HABP4: variants seen among roughly 807,000 people sequenced by gnomAD.
The protein encoded by HABP4 is hyaluronan binding protein 4, also known as intracellular hyaluronan-binding protein 4.
HABP4 carries 32 observed loss-of-function variants against 44.1 expected under a neutral mutation model. The observed-to-expected ratio is 0.73, with a 90% CI of 0.55 to 0.97. The LOEUF is 0.97. HABP4 is among the 50% of genes least tolerant of loss of function. The pLI is 0.00. For missense variants in HABP4, 503 were observed against 561.9 expected, an observed-to-expected ratio of 0.90 and a Z score of 1.06; for synonymous variants, 216 against 218.0, an observed-to-expected ratio of 0.99 and a Z score of 0.08.
chr9:96,450,645 G>A lies in HABP4; in HGVS notation c.349+17G>A, dbSNP rs1832255570. ...AGGCGCCGGGTACGCGGGGACAGCG[G>A]GGTTAGCGGACCACGGCTCGGCCCG... On this transcript the variant is annotated intron_variant, in intron 1 of 7. Transcript: ENST00000375249. The surrounding 1 kb of genome is among the most constrained non-coding windows in gnomAD (Gnocchi z 4.8). 7.9e-7 allele frequency: 1 copy of A among 1,261,500 alleles called. No individual in the cohort carries two copies. Among genetic ancestry groups the A allele is most frequent in the African/African-American group, 1.5e-5 (1 of 64,722 alleles). 78.1% of individuals were successfully genotyped at this position (1,261,500 alleles called of 1,614,324 possible).
At chr9:96,469,315 C>A (rs1832655904) in intron 4 of HABP4, among the ~76,000 whole-genome samples, 1 of 152,102 alleles carries the variant, frequency 6.6e-6, no homozygotes, top group Admixed American at 6.5e-5. Flanking sequence ...GTTCTCAAAG[C>A]AAAATTTGAT....
rs577476250 is a variant in HABP4, at chr9:96,487,999, C to G, written c.1000-90C>G. On this transcript the variant is annotated intron_variant, in intron 6 of 7. Coordinates refer to ENST00000375249, the MANE Select transcript of HABP4 (RefSeq NM_014282.4). ...TGACTAGCCCCTGATGGTGTTTTAG[C>G]TCCTGTGTAGCACACTGCAGCCACT... 1.2e-5 allele frequency: 11 copies of G among 882,068 alleles called. No homozygotes were observed. In the African/African-American group the frequency reaches 1.6e-4, roughly 13 times the overall value. 54.6% of individuals were successfully genotyped at this position (882,068 alleles called of 1,614,324 possible).
intron 1 of HABP4, among the ~76,000 whole-genome samples, chr9:96,457,841 C>T (rs1214982015): frequency 2.0e-5 from 3 of 152,052 alleles, no homozygotes; most frequent in Non-Finnish European, 2.9e-5. Context: ...CACTGCACTT[C>T]GGGCTGGGTG....
chr9:96,469,132 A>G (rs1184922115), intron 4 of HABP4, among the ~76,000 whole-genome samples: 1 of 152,242 alleles, frequency 6.6e-6, no homozygotes, highest in African/African-American at 2.4e-5. Context: ...GACAGCGGTA[A>G]AATAGAATTT....
At chr9:96,458,568 G>A (rs773803487) in intron 2 of HABP4, 27 bp downstream of exon 2, 32 of 1,525,090 alleles carry the variant, frequency 2.1e-5, no homozygotes, top group South Asian at 3.5e-5. Flanking sequence ...TCAGCAGGGC[G>A]GGTGGGGAAC....
At chr9:96,470,953 A>G in intron 4 of HABP4, 58 bp from the exon 5 acceptor site, 2 of 985,616 alleles carry the variant, frequency 2.0e-6, no homozygotes, top group South Asian at 2.7e-5. Flanking sequence ...TCTTAAACAT[A>G]CAAAGGCATT....
chr9:96,457,665 C>G (rs548893825), intron 1 of HABP4, among the ~76,000 whole-genome samples: 1 of 152,036 alleles, frequency 6.6e-6, no homozygotes, highest in Non-Finnish European at 1.5e-5. Flanking sequence ...GCTGGGAGTT[C>G]GAGACCAGCC....
At chr9:96,465,248 C>G in intron 2 of HABP4, 89 bp from the exon 3 acceptor site, 1 of 809,394 alleles carries the variant, frequency 1.2e-6, no homozygotes. Flanking sequence ...TTCCAGTATA[C>G]TATAACCATG....
rs138969288 is a variant in HABP4 at position 96,476,019 on chromosome 9, A to T, written c.827+4925A>T. On this transcript the variant is annotated intron_variant, in intron 5 of 7. Transcript: ENST00000375249. ...TATTCAGGTGAAAAGGTATTGCATG[A>T]ATGGAAATGTGGACATTTGAATTGA... 1.9e-3 allele frequency among the ~76,000 whole-genome samples: 287 copies of T among 152,152 alleles called. 2 individuals are homozygous for T. The highest frequency in any genetic ancestry group is 3.4e-3 in the Middle Eastern group (1 of 294).
chr9:96,482,611 T>C (rs955619812), intron 5 of HABP4, among the ~76,000 whole-genome samples: 9 of 152,200 alleles, frequency 5.9e-5, no homozygotes, highest in African/African-American at 9.7e-5. Context: ...AAGGTTGTTA[T>C]CATCCCAAAA....
At chr9:96,481,287 T>A (rs1049126167) in intron 5 of HABP4, among the ~76,000 whole-genome samples, 6 of 151,896 alleles carry the variant, frequency 4.0e-5, no homozygotes, top group Non-Finnish European at 8.8e-5. Flanking sequence ...AGAGACGGGG[T>A]TTCACCATGT....
intron 7 of HABP4, among the ~76,000 whole-genome samples, chr9:96,489,014 C>T (rs1833028308): frequency 6.6e-6 from 1 of 152,096 alleles, no homozygotes; most frequent in Non-Finnish European, 1.5e-5. Flanking sequence ...GTGGTATGGA[C>T]ACTTATTCAT....
rs1832769851 is a variant in HABP4, at chr9:96,475,405, A to AG, written c.827+4311_827+4312insG. On this transcript the variant is annotated intron_variant, in intron 5 of 7. Coordinates refer to ENST00000375249, the MANE Select transcript of HABP4 (RefSeq NM_014282.4). ...ACAACAACAACAAAAAAAAAAAAAA[A>AG]AAGAAGAAAAAGAATAACATTTTTA... 3.3e-5 allele frequency among the ~76,000 whole-genome samples: 5 copies of AG among 149,890 alleles called. No individual in the cohort carries two copies. The South Asian group carries it at 1.0e-3, about 31-fold the overall frequency.
rs543830717 is a variant in HABP4, at chr9:96,480,414, C to CT, written c.828-4046dup. On this transcript the variant is annotated intron_variant, in intron 5 of 7. Transcript: ENST00000375249. Reference sequence around the variant, plus strand: ...TTCCATTAATTTGCTGTTCCAATGTCTTAGTATCTTTTAATATTTTTGCCA... The same window carrying CT: ...TTCCATTAATTTGCTGTTCCAATGTCTTTAGTATCTTTTAATATTTTTGCCA... 2.7e-3 allele frequency among the ~76,000 whole-genome samples: 408 copies of CT among 152,136 alleles called. 1 individual carries two copies. Among genetic ancestry groups the CT allele is most frequent in the African/African-American group, 9.6e-3 (397 of 41,506 alleles).
At chr9:96,475,753 T>G (rs1342757789) in intron 5 of HABP4, among the ~76,000 whole-genome samples, 1 of 152,252 alleles carries the variant, frequency 6.6e-6, no homozygotes, top group African/African-American at 2.4e-5. Flanking sequence ...TACTCAGGAA[T>G]ATGGAGCATC....
intron 1 of HABP4, among the ~76,000 whole-genome samples, chr9:96,455,254 C>G (rs1189788756): frequency 1.3e-5 from 2 of 152,038 alleles, no homozygotes; most frequent in African/African-American, 4.8e-5. Flanking sequence ...AGTTCAAGAC[C>G]AGCCTGGCCA....
rs1832241626 is a variant in HABP4 at position 96,450,226 on chromosome 9, G to C, written c.-54G>C. 7.6e-7 allele frequency: 1 copy of C among 1,308,498 alleles called. No homozygotes were observed. Among genetic ancestry groups the C allele is most frequent in the South Asian group, 1.9e-5 (1 of 53,154 alleles). 81.1% of individuals were successfully genotyped at this position (1,308,498 alleles called of 1,614,324 possible). On this transcript the variant is annotated 5_prime_UTR_variant, in exon 1 of 8. Coordinates refer to ENST00000375249, the MANE Select transcript of HABP4 (RefSeq NM_014282.4). This position sits in a 1 kb window ranked among gnomAD's most constrained non-coding sequence, Gnocchi z 4.8. ...GGCATGGGTCCTGGCCGCCGGCTTC[G>C]CTGAGACGCGCTCGCGTGGGCTGCC...
rs570845103 is a variant in HABP4, at chr9:96,450,204, A to C, written c.-76A>C. The stretch of plus-strand genomic sequence containing the variant: ...GGGCGGTGGCGGCGGAGCGGGCGGC[A>C]TGGGTCCTGGCCGCCGGCTTCGCTG... On this transcript the variant is annotated 5_prime_UTR_variant, in exon 1 of 8. The change abolishes an upstream ATG in the 5' untranslated region. Coordinates refer to ENST00000375249, the MANE Select transcript of HABP4 (RefSeq NM_014282.4). This position sits in a 1 kb window ranked among gnomAD's most constrained non-coding sequence, Gnocchi z 4.8. 9.8e-6 allele frequency: 12 copies of C among 1,221,936 alleles called. No homozygotes were observed. The East Asian group carries it at 2.9e-4, about 29-fold the overall frequency. 75.7% of individuals were successfully genotyped at this position (1,221,936 alleles called of 1,614,324 possible).
Position 96,484,213 on chromosome 9 carries a change from T to C in HABP4, c.828-249T>C, listed in dbSNP as rs1001832745. On this transcript the variant is annotated intron_variant, in intron 5 of 7. Coordinates refer to ENST00000375249, the MANE Select transcript of HABP4 (RefSeq NM_014282.4). ...AAGTGTGATGTTAATGTCATCAGGA[T>C]GGTGATGTTCCCATTTTTCAAAGAT... 2.2e-5 allele frequency: 8 copies of C among 358,662 alleles called. No individual in the cohort carries two copies. The South Asian group carries it at 3.2e-4, about 14-fold the overall frequency. The allele number at this position is 358,662 out of a possible 1,614,324, so 22.2% of individuals were successfully genotyped here. A position where few individuals can be genotyped will look rare whatever the true frequency, so the allele number is the denominator to read the frequency against.
Sources: gnomAD v4.1 joint callset for allele counts (sites outside exome capture counted in the v4.1 genomes callset) on GRCh38, gnomAD v4.1.1 for gene constraint, Gnocchi (gnomAD v3.1) non-coding constraint, MANE v1.5 for transcripts, NCBI Gene and HGNC (gene_info 2026-07-23, HGNC 2026-07-21) for gene names.